MYO3B: variants seen among roughly 807,000 people sequenced by gnomAD.
MYO3B encodes myosin IIIB.
In MYO3B, 156 loss-of-function variants were observed where a neutral mutation model predicts 174.6. The observed-to-expected ratio is 0.89, with a 90% CI of 0.78 to 1.02. The LOEUF (loss-of-function observed/expected upper bound fraction) is 1.02. Among genes scored for constraint, MYO3B ranks in the 50% least tolerant of loss-of-function variants. The pLI is 0.00. For synonymous variants in MYO3B, 563 were observed against 569.1 expected (o/e 0.99, Z 0.15); for missense variants, 1,632 against 1,639.4 (o/e 1.00, Z 0.08).
intron 32 of MYO3B, chr2:170,648,018 G>A (rs1467454323): frequency 1.3e-5 from 2 of 152,170 alleles, no homozygotes; most frequent in African/African-American, 4.8e-5. Flanking sequence ...GACCTCCAGA[G>A]CATACTTCAC....
At chr2:170,301,873 G>A (rs2093667418) in intron 7 of MYO3B, among the ~76,000 whole-genome samples, 1 of 119,220 alleles carries the variant, frequency 8.4e-6, no homozygotes, top group Non-Finnish European at 1.7e-5. Flanking sequence ...CAAAGTGGAG[G>A]CTTTTTTTTT....
chr2:170,258,506 C>T (rs1019397537), intron 7 of MYO3B, among the ~76,000 whole-genome samples: 1 of 151,878 alleles, frequency 6.6e-6, no homozygotes, highest in South Asian at 2.1e-4. Context: ...TGATAAAATC[C>T]GATATTCAGT....
intron 32 of MYO3B, among the ~76,000 whole-genome samples, chr2:170,607,341 G>C (rs188513611): frequency 6.6e-6 from 1 of 152,152 alleles, no homozygotes; most frequent in Non-Finnish European, 1.5e-5. Flanking sequence ...GGTTTCTTTC[G>C]CATTTGTGCT....
chr2:170,501,727 A>C (rs1038580040), intron 27 of MYO3B, 58 bp from the exon 28 acceptor site: 1 of 1,214,826 alleles, frequency 8.2e-7, no homozygotes, highest in Non-Finnish European at 1.2e-6. Flanking sequence ...GCTTATATCA[A>C]TTCTCTGGCA....
Position 170,648,916 on chromosome 2 carries a change from T to A in MYO3B, c.3734-2712T>A, listed in dbSNP as rs1300079781. Among the ~76,000 whole-genome samples, 5 of 103,510 alleles carry A rather than the reference T, an allele frequency of 4.8e-5. No individual in the cohort carries two copies. The Admixed American group carries it at 5.8e-4, about 12-fold the overall frequency. The allele number at this position is 103,510 out of a possible 152,430, so 67.9% of individuals were successfully genotyped here. ...TATGAAATAGTATATAAAATATATA[T>A]AATATATATAAAATATGATATATAA... On this transcript the variant is annotated intron_variant, in intron 32 of 34. Coordinates refer to ENST00000408978, the MANE Select transcript of MYO3B (RefSeq NM_138995.5).
At chr2:170,448,646 G>T (rs1024716103) in intron 23 of MYO3B, among the ~76,000 whole-genome samples, 11 of 152,192 alleles carry the variant, frequency 7.2e-5, no homozygotes, top group Non-Finnish European at 1.6e-4. Flanking sequence ...TGCATTCTGG[G>T]ATAAGCAGTG....
intron 7 of MYO3B, among the ~76,000 whole-genome samples, chr2:170,283,186 A>G (rs966391860): frequency 6.6e-6 from 1 of 152,118 alleles, no homozygotes; most frequent in Non-Finnish European, 1.5e-5. Flanking sequence ...GATATTGTAT[A>G]GACTCTGGGA....
chr2:170,213,639 C>T (rs1289754408), intron 3 of MYO3B, among the ~76,000 whole-genome samples: 1 of 151,740 alleles, frequency 6.6e-6, no homozygotes, highest in Admixed American at 6.6e-5. Flanking sequence ...GTCTGTCTCT[C>T]TTCTCTCAGT....
At position 170,459,104 on chromosome 2, in the gene MYO3B, AG is replaced by A. The variant is rs549022176; in HGVS notation, c.2731-4262del. 4.3e-3 allele frequency among the ~76,000 whole-genome samples: 650 copies of A among 152,318 alleles called. 4 individuals are homozygous for A. The highest frequency in any genetic ancestry group is 0.015 in the African/African-American group (635 of 41,568). On this transcript the variant is annotated intron_variant, in intron 23 of 34. Coordinates refer to ENST00000408978, the MANE Select transcript of MYO3B (RefSeq NM_138995.5). ...TTGCAGTGAGTGTTACAGCTCATAA[AG>A]GCAGAGTGGACCCAAAGAGTGAGCA...
At chr2:170,597,372 G>GAAA (rs1045370668) in intron 32 of MYO3B, among the ~76,000 whole-genome samples, 2 of 61,342 alleles carry the variant, frequency 3.3e-5, no homozygotes, top group Non-Finnish European at 7.4e-5. Flanking sequence ...CATCTCAAAA[G>GAAA]AAAAAAAAAA....
At chr2:170,329,157 A>C (rs1392349513) in intron 7 of MYO3B, among the ~76,000 whole-genome samples, 1 of 151,912 alleles carries the variant, frequency 6.6e-6, no homozygotes, top group Non-Finnish European at 1.5e-5. Context: ...GTCTCCAAAA[A>C]AAAAAATACT....
At chr2:170,467,043 C>G (rs1684683727) in intron 25 of MYO3B, among the ~76,000 whole-genome samples, 1 of 152,140 alleles carries the variant, frequency 6.6e-6, no homozygotes. Flanking sequence ...TGAATGCACC[C>G]AAGCACCAGT....
At chr2:170,610,053 A>G (rs1482351255) in intron 32 of MYO3B, among the ~76,000 whole-genome samples, 1 of 152,230 alleles carries the variant, frequency 6.6e-6, no homozygotes, top group Non-Finnish European at 1.5e-5. Context: ...TTTTATTTCC[A>G]AGGCCAGGCA....
chr2:170,402,383 C>A (rs2094483079), intron 18 of MYO3B, among the ~76,000 whole-genome samples: 1 of 152,098 alleles, frequency 6.6e-6, no homozygotes, highest in Non-Finnish European at 1.5e-5. Flanking sequence ...ATTTAAAGCA[C>A]ACTATCTTAC....
At chr2:170,528,490 C>G (rs1689139996) in intron 30 of MYO3B, among the ~76,000 whole-genome samples, 2 of 152,218 alleles carry the variant, frequency 1.3e-5, no homozygotes, top group African/African-American at 4.8e-5. Flanking sequence ...ACTGCAACCT[C>G]TGCCTCCCGG....
intron 8 of MYO3B, among the ~76,000 whole-genome samples, chr2:170,366,323 A>G (rs2105669010): frequency 6.6e-6 from 1 of 152,000 alleles, no homozygotes; most frequent in African/African-American, 2.4e-5. Context: ...TTTTTTTGAG[A>G]CAGGGTCTCA....
chr2:170,333,377 T>G (rs2093925324), intron 7 of MYO3B, among the ~76,000 whole-genome samples: 1 of 152,172 alleles, frequency 6.6e-6, no homozygotes, highest in Non-Finnish European at 1.5e-5. Flanking sequence ...GGCAGCCTCC[T>G]CCTTTGTCTC....
intron 7 of MYO3B, among the ~76,000 whole-genome samples, chr2:170,312,884 G>A (rs1195533658): frequency 1.3e-5 from 2 of 152,114 alleles, no homozygotes; most frequent in Non-Finnish European, 2.9e-5. Context: ...TGCCTTCTAT[G>A]GAGTGCTGAT....
At chr2:170,633,978 A>G (rs1250589401) in intron 32 of MYO3B, among the ~76,000 whole-genome samples, 1 of 152,238 alleles carries the variant, frequency 6.6e-6, no homozygotes, top group Non-Finnish European at 1.5e-5. Context: ...GACACAAACA[A>G]ATGGAAGAAC....
Sources: allele counts gnomAD v4.1 joint callset (sites outside exome capture counted in the v4.1 genomes callset), GRCh38; gene constraint gnomAD v4.1.1; transcripts MANE v1.5; gene names NCBI Gene and HGNC (gene_info 2026-07-23, HGNC 2026-07-21).